Variants in CACNA2D3 observed in about 807,000 individuals in gnomAD.
The protein encoded by CACNA2D3 is calcium voltage-gated channel auxiliary subunit alpha2delta 3.
Under a neutral mutation model 160.6 loss-of-function variants are expected in CACNA2D3, and 60 were observed. The ratio of observed to expected loss-of-function variants is 0.37; its 90% CI spans 0.30 to 0.46. The LOEUF is 0.46. Among genes scored for constraint, CACNA2D3 ranks in the 20% least tolerant of loss-of-function variants. CACNA2D3 has a pLI of 1.00. For synonymous variants in CACNA2D3, 558 were observed against 492.9 expected, an observed-to-expected ratio of 1.13 and a Z score of -1.75; for missense variants, 1,205 against 1,365.0, an observed-to-expected ratio of 0.88 and a Z score of 1.85.
At chr3:54,657,794 C>T (rs1407661269) in intron 11 of CACNA2D3, among the ~76,000 whole-genome samples, 5 of 152,014 alleles carry the variant, frequency 3.3e-5, no homozygotes, top group East Asian at 3.9e-4. Flanking sequence ...TTTGGGAGGC[C>T]GAGGCAGGTG....
intron 4 of CACNA2D3, among the ~76,000 whole-genome samples, chr3:54,388,243 A>G (rs1340443904): frequency 6.6e-6 from 1 of 152,134 alleles, no homozygotes; most frequent in Admixed American, 6.5e-5. Context: ...TTGATAGAGG[A>G]GTATAGACAC....
intron 2 of CACNA2D3, among the ~76,000 whole-genome samples, chr3:54,293,565 A>ATATATATT (rs1703260217): frequency 1.1e-5 from 1 of 92,906 alleles, no homozygotes; most frequent in Admixed American, 1.0e-4. Flanking sequence ...ATATTCTATT[A>ATATATATT]TATATATATA....
rs140210758 is a variant in CACNA2D3, at chr3:54,443,921, T to C, written c.381+57147T>C. Among the ~76,000 whole-genome samples the C allele has an allele frequency of 2.7e-3, 412 of 152,302 alleles. 1 individual carries two copies. Among genetic ancestry groups the C allele is most frequent in the Non-Finnish European group, 3.9e-3 (265 of 68,026 alleles). ...TGTTGGGAAGGGCATGGGGAGGATTTGGCTTTTATTTACTCTGATTCTCTT... is the reference window on the plus strand; with the variant it reads ...TGTTGGGAAGGGCATGGGGAGGATTCGGCTTTTATTTACTCTGATTCTCTT... On this transcript the variant is annotated intron_variant, in intron 4 of 37. Transcript: ENST00000474759.
chr3:54,261,080 T>C (rs1338375498), intron 2 of CACNA2D3, among the ~76,000 whole-genome samples: 1 of 152,240 alleles, frequency 6.6e-6, no homozygotes, highest in African/African-American at 2.4e-5. Flanking sequence ...GCATAGTAGA[T>C]GCTCAGTTTT....
intron 13 of CACNA2D3, among the ~76,000 whole-genome samples, chr3:54,787,466 A>G (rs1702663771): frequency 6.6e-6 from 1 of 152,246 alleles, no homozygotes; most frequent in Non-Finnish European, 1.5e-5. Context: ...GAAACTTTTC[A>G]TCTACCCTCT....
chr3:54,950,663 A>G (rs752585295), intron 27 of CACNA2D3, among the ~76,000 whole-genome samples: 1 of 152,152 alleles, frequency 6.6e-6, no homozygotes, highest in Non-Finnish European at 1.5e-5. Flanking sequence ...AGTTTTCCTT[A>G]TCTAGGACCC....
chr3:54,589,218 A>G (rs530412067), intron 9 of CACNA2D3, among the ~76,000 whole-genome samples: 1 of 152,260 alleles, frequency 6.6e-6, no homozygotes, highest in African/African-American at 2.4e-5. Context: ...ACATATACCC[A>G]CATACATACA....
At chr3:54,733,798 A>G (rs985929737) in intron 11 of CACNA2D3, among the ~76,000 whole-genome samples, 2 of 152,226 alleles carry the variant, frequency 1.3e-5, no homozygotes, top group Non-Finnish European at 2.9e-5. Flanking sequence ...CTAACCTGAC[A>G]GCCAGAGCAG....
At chr3:54,729,990 C>T (rs1272319541) in intron 11 of CACNA2D3, among the ~76,000 whole-genome samples, 3 of 112,030 alleles carry the variant, frequency 2.7e-5, no homozygotes, top group Non-Finnish European at 5.3e-5. Flanking sequence ...CAGAGCAAGA[C>T]TCCATCTCAA....
chr3:54,850,083 T>C (rs1032590985), intron 17 of CACNA2D3, among the ~76,000 whole-genome samples: 3 of 152,188 alleles, frequency 2.0e-5, no homozygotes, highest in African/African-American at 7.2e-5. Flanking sequence ...GCAATGCTTC[T>C]CTGTGATCTC....
intron 13 of CACNA2D3, among the ~76,000 whole-genome samples, chr3:54,779,019 T>C (rs750877497): frequency 6.6e-6 from 1 of 152,154 alleles, no homozygotes; most frequent in African/African-American, 2.4e-5. Context: ...TTCTGACATA[T>C]CAGCTGTGTC....
At chr3:54,419,375 A>G (rs975260873) in intron 4 of CACNA2D3, among the ~76,000 whole-genome samples, 1 of 152,240 alleles carries the variant, frequency 6.6e-6, no homozygotes, top group Non-Finnish European at 1.5e-5. Context: ...TTTGGGCGCT[A>G]GGCCAGCTGA....
chr3:54,823,808 T>C (rs1703691850), intron 14 of CACNA2D3, among the ~76,000 whole-genome samples: 1 of 152,236 alleles, frequency 6.6e-6, no homozygotes, highest in Admixed American at 6.5e-5. Context: ...ACATATTTAA[T>C]AGTGGCTATT....
chr3:54,918,208 A>G (rs1324200480), intron 27 of CACNA2D3: 2 of 424,278 alleles, frequency 4.7e-6, no homozygotes, highest in Non-Finnish European at 8.5e-6. Flanking sequence ...CCCACATAGA[A>G]TCGTCGTAAT....
chr3:55,049,463 A>T (rs1309202776), intron 35 of CACNA2D3, among the ~76,000 whole-genome samples: 4 of 125,678 alleles, frequency 3.2e-5, no homozygotes, highest in Admixed American at 7.9e-5. Context: ...CTGTGGTCTG[A>T]GAGATAGTTT....
At chr3:54,859,408 T>C (rs1241613445) in intron 17 of CACNA2D3, among the ~76,000 whole-genome samples, 1 of 152,208 alleles carries the variant, frequency 6.6e-6, no homozygotes, top group Non-Finnish European at 1.5e-5. Context: ...GGTGCCATTT[T>C]TACATTCTCT....
intron 17 of CACNA2D3, among the ~76,000 whole-genome samples, chr3:54,850,537 C>T (rs1461967355): frequency 1.3e-5 from 2 of 152,168 alleles, no homozygotes; most frequent in African/African-American, 4.8e-5. Flanking sequence ...CTGAATAGAT[C>T]TCCTTTTCTT....
intron 5 of CACNA2D3, among the ~76,000 whole-genome samples, chr3:54,542,002 T>A (rs1266488490): frequency 6.6e-6 from 1 of 151,614 alleles, no homozygotes; most frequent in African/African-American, 2.4e-5. Flanking sequence ...TTAGTCAGGG[T>A]TCTCTAGAGC....
intron 3 of CACNA2D3, among the ~76,000 whole-genome samples, chr3:54,327,479 C>T (rs1289482113): frequency 6.6e-6 from 1 of 152,222 alleles, no homozygotes; most frequent in Non-Finnish European, 1.5e-5. Flanking sequence ...ACCATTGCAT[C>T]AAACCCTCCT....
Sources: gnomAD v4.1 joint callset for allele counts (sites outside exome capture counted in the v4.1 genomes callset) on GRCh38, gnomAD v4.1.1 for gene constraint, MANE v1.5 for transcripts, NCBI Gene and HGNC (gene_info 2026-07-23, HGNC 2026-07-21) for gene names.